The following LLGL2 variants were observed in gnomAD, a reference collection of about 807,000 sequenced individuals.
LLGL2 encodes the protein LLGL2, scribble cell polarity complex component.
A neutral mutation model predicts 123.2 loss-of-function variants in LLGL2; 81 were observed. The observed-to-expected ratio is 0.66, with a 90% confidence interval of 0.55 to 0.79. LLGL2 has a LOEUF of 0.79. Ranked by LOEUF, LLGL2 falls within the 30% of genes least tolerant of loss-of-function variation. The pLI, the probability that LLGL2 is intolerant of heterozygous loss-of-function variation, is 0.00. For synonymous variants in LLGL2, 577 were observed against 594.1 expected, an observed-to-expected ratio of 0.97 and a Z score of 0.42; for missense variants, 1,273 against 1,414.6, an observed-to-expected ratio of 0.90 and a Z score of 1.61.
At chr17:75,545,192 T>A (rs746494112) in intron 2 of LLGL2, among the ~76,000 whole-genome samples, 5 of 151,906 alleles carry the variant, frequency 3.3e-5, no homozygotes, top group Non-Finnish European at 5.9e-5. Context: ...GAGTTGTCCC[T>A]TCTTCTTTCC....
intron 1 of LLGL2, among the ~76,000 whole-genome samples, chr17:75,526,851 G>C (rs971209930): frequency 1.3e-5 from 2 of 152,152 alleles, no homozygotes; most frequent in African/African-American, 4.8e-5. Flanking sequence ...CTGTGGCCCA[G>C]CCCGGGGGAA....
intron 2 of LLGL2, among the ~76,000 whole-genome samples, chr17:75,545,473 C>T (rs1164082872): frequency 6.6e-6 from 1 of 152,034 alleles, no homozygotes; most frequent in Admixed American, 6.6e-5. Context: ...AAGGGGAGAG[C>T]CCAGGGGATT....
intron 2 of LLGL2, among the ~76,000 whole-genome samples, chr17:75,551,893 T>A (rs1443815455): frequency 6.6e-6 from 1 of 151,968 alleles, no homozygotes; most frequent in Non-Finnish European, 1.5e-5. Context: ...CTTTGGGAGG[T>A]CAAGGCGAGG....
chr17:75,529,933 G>A (rs940332097), intron 1 of LLGL2, among the ~76,000 whole-genome samples: 2 of 152,154 alleles, frequency 1.3e-5, no homozygotes, highest in Non-Finnish European at 2.9e-5. Context: ...GTTTTGACTC[G>A]TTCTTTGCCG....
chr17:75,534,564 T>G (rs770365819), intron 1 of LLGL2, among the ~76,000 whole-genome samples: 8 of 152,148 alleles, frequency 5.3e-5, no homozygotes, highest in Non-Finnish European at 1.0e-4. Context: ...CACTGCAGCC[T>G]CAACCTCCTG....
chr17:75,535,108 G>A (rs931761547), intron 1 of LLGL2, among the ~76,000 whole-genome samples: 13 of 152,224 alleles, frequency 8.5e-5, no homozygotes, highest in African/African-American at 2.9e-4. Flanking sequence ...CACTTGCAAA[G>A]CGGCTACAGG....
rs774552496 is a variant in LLGL2, at chr17:75,569,293, G to A, written c.1549G>A (p.Gly517Ser). The A allele has an allele frequency of 6.8e-6, 11 of 1,613,258 alleles. No homozygotes were observed. Among genetic ancestry groups the A allele is most frequent in the Middle Eastern group, 1.6e-4 (1 of 6,084 alleles). ...IQKIFLCKYS[G>S]YLAVAGTAGQ... ...GAAGATCTTCCTCTGCAAGTACAGC[G>A]GCTACCTGGCTGTGGCAGGCACGGC... The change falls in exon 14 of 26, where the codon GGC (glycine) becomes AGC (serine). Residue 517 changes from glycine to serine, a missense_variant. Physicochemically the swap from Gly to Ser is moderately conservative, Grantham distance 56. Coordinates refer to ENST00000392550, the MANE Select transcript of LLGL2 (RefSeq NM_001031803.2).
Position 75,570,172 on chromosome 17 carries a change from C to T in LLGL2, c.1791C>T (p.His597=), listed in dbSNP as rs1237801514. 1.3e-6 allele frequency: 2 copies of T among 1,596,272 alleles called. No homozygotes were observed. The highest frequency in any genetic ancestry group is 1.8e-5 in the Admixed American group (1 of 56,234). Residue 597 remains histidine (H), a synonymous_variant, in exon 15 of 26, where the codon CAC becomes CAT. Transcript: ENST00000392550. ...CTGTGGTCACCTCCTTGGCCCTGCA[C>T]TCTGAGTGGCGGCTCGTGGCCTTCG... ...PPAVVTSLAL[H]SEWRLVAFGT...
At chr17:75,573,845 C>T (rs879289877) in intron 21 of LLGL2, 107 bp from the exon 22 acceptor site, 67 of 1,394,416 alleles carry the variant, frequency 4.8e-5, no homozygotes, top group South Asian at 7.4e-5. Context: ...CCAGGCTCTC[C>T]GGCTCAGGAC....
chr17:75,565,755 G>GCCAC (rs1169408158), intron 10 of LLGL2, among the ~76,000 whole-genome samples: 3 of 152,352 alleles, frequency 2.0e-5, no homozygotes, highest in African/African-American at 7.2e-5. Context: ...GGAGGTGGGT[G>GCCAC]CCTGATGAGC....
At chr17:75,535,862 C>A (rs2053981802) in intron 1 of LLGL2, among the ~76,000 whole-genome samples, 1 of 152,120 alleles carries the variant, frequency 6.6e-6, no homozygotes, top group African/African-American at 2.4e-5. Context: ...CTGTCCTAGA[C>A]CCAGAAATAT....
intron 18 of LLGL2, 35 bp from the exon 19 acceptor site, chr17:75,571,845 GCTCCAGCCCTGCCACCCC>G (rs563649082): frequency 2.5e-6 from 4 of 1,605,400 alleles, no homozygotes; most frequent in Admixed American, 1.7e-5. Context: ...CCAGGGAGTG[GCTCCAGCCCTGCCACCCC>G]CTCACCAGCC....
intron 2 of LLGL2, among the ~76,000 whole-genome samples, chr17:75,554,487 G>A (rs940146804): frequency 2.6e-5 from 4 of 151,632 alleles, no homozygotes; most frequent in Non-Finnish European, 4.4e-5. Context: ...AGGTGTGGTG[G>A]TGCATGCCTG....
rs762170189 is a variant in LLGL2, at chr17:75,569,057, G to A, written c.1402G>A (p.Val468Met). The A allele has an allele frequency of 1.8e-5, 29 of 1,612,836 alleles. No homozygotes were observed. The highest frequency in any genetic ancestry group is 3.3e-5 in the South Asian group (3 of 90,886). ...RLLYKLSTVR[V>M]FLTDTDPNEN... ...GCTCTACAAACTCAGCACTGTGCGCGTGTTCCTCACCGACACGGACCCCAA... is the reference window on the plus strand; with the variant it reads ...GCTCTACAAACTCAGCACTGTGCGCATGTTCCTCACCGACACGGACCCCAA... The change falls in exon 13 of 26, where the codon GTG becomes ATG. Residue 468 changes from valine to methionine, a missense_variant. Val to Met is a conservative substitution (Grantham distance 21). Coordinates refer to ENST00000392550, the MANE Select transcript of LLGL2 (RefSeq NM_001031803.2).
intron 3 of LLGL2, chr17:75,557,832 A>T: frequency 7.4e-6 from 3 of 403,020 alleles, no homozygotes; most frequent in South Asian, 6.3e-5. Flanking sequence ...CTACCAAGCG[A>T]CAGCCAACAT....
Position 75,558,263 on chromosome 17 carries a change from G to T in LLGL2, c.255+27G>T. 1.3e-6 allele frequency: 2 copies of T among 1,596,966 alleles called. No individual in the cohort carries two copies. The highest frequency in any genetic ancestry group is 8.6e-7 in the Non-Finnish European group (1 of 1,167,932). On this transcript the variant is annotated intron_variant, in intron 4 of 25. Transcript: ENST00000392550. The surrounding 1 kb of genome is among the most constrained non-coding windows in gnomAD (Gnocchi z 4.0). ...TGAGGGACCTGGGGTGGGACAGGAAGCCACTTCCATGCCCTCCTTGCCTTC... is the reference window on the plus strand; with the variant it reads ...TGAGGGACCTGGGGTGGGACAGGAATCCACTTCCATGCCCTCCTTGCCTTC...
rs977904544 is a variant in LLGL2, at chr17:75,572,195, G to C, written c.2460+131G>C. The C allele has an allele frequency of 1.0e-4, 92 of 904,250 alleles. No homozygotes were observed. In the African/African-American group the frequency reaches 1.5e-3, roughly 15 times the overall value. 56.0% of individuals were successfully genotyped at this position (904,250 alleles called of 1,614,324 possible). ...GTGTCTGAGGGGCTGCAGAAGTACA[G>C]GAAATAAGTGAGGGGGGAGTCTCGT... On this transcript the variant is annotated intron_variant, in intron 19 of 25. Transcript: ENST00000392550.
chr17:75,559,276 C>G lies in LLGL2; in HGVS notation c.396C>G (p.Ile132Met), dbSNP rs1383929126. 6.2e-7 allele frequency: 1 copy of G among 1,610,566 alleles called. No homozygotes were observed. The highest frequency in any genetic ancestry group is 1.3e-5 in the African/African-American group (1 of 74,810). The change falls in exon 6 of 26, where the codon ATC becomes ATG. Residue 132 changes from isoleucine to methionine, a missense_variant. Transcript: ENST00000392550. This position sits in a 1 kb window ranked among gnomAD's most constrained non-coding sequence, Gnocchi z 4.6. Reference sequence around the variant, plus strand: ...GGGCTGCCCCCAGTGCCACACAGATCACCGTGGTCCTGCCACATTCCTCCT... The same window carrying G: ...GGGCTGCCCCCAGTGCCACACAGATGACCGTGGTCCTGCCACATTCCTCCT... ...PPGAAPSATQ[I>M]TVVLPHSSCE...
intron 17 of LLGL2, 189 bp from the exon 18 acceptor site, chr17:75,571,478 C>T (rs1292523656): frequency 3.3e-6 from 2 of 597,556 alleles, no homozygotes; most frequent in Admixed American, 5.9e-5. Flanking sequence ...CTGGCTGGTT[C>T]TCCCCTGCTG....
Sources: allele counts gnomAD v4.1 joint callset (sites outside exome capture counted in the v4.1 genomes callset), GRCh38; gene constraint gnomAD v4.1.1; non-coding constraint Gnocchi (gnomAD v3.1); transcripts MANE v1.5; gene names NCBI Gene and HGNC (gene_info 2026-07-23, HGNC 2026-07-21).